TBC1D32: variants seen among roughly 807,000 people sequenced by gnomAD.
The protein encoded by TBC1D32 is TBC1 domain family member 32.
Under a neutral mutation model 170.3 loss-of-function variants are expected in TBC1D32, and 151 were observed. That is an observed-to-expected ratio of 0.89 (90% CI 0.78 to 1.01). TBC1D32 has a LOEUF of 1.01. Ranked by LOEUF, TBC1D32 falls within the 50% of genes least tolerant of loss-of-function variation. The pLI, the probability that TBC1D32 is intolerant of heterozygous loss-of-function variation, is 0.00. For synonymous variants in TBC1D32, 498 were observed against 488.0 expected (o/e 1.02, Z -0.27); for missense variants, 1,464 against 1,457.1 (o/e 1.00, Z -0.08).
chr6:121,233,608 T>C (rs910626886), intron 20 of TBC1D32, among the ~76,000 whole-genome samples: 2 of 152,166 alleles, frequency 1.3e-5, no homozygotes, highest in African/African-American at 4.8e-5. Context: ...CCTTATGGGT[T>C]AGGTGAGTCT....
intron 2 of TBC1D32, among the ~76,000 whole-genome samples, chr6:121,319,090 T>A (rs969520247): frequency 6.6e-6 from 1 of 150,380 alleles, no homozygotes; most frequent in African/African-American, 2.4e-5. Context: ...TTAATATGTA[T>A]ATCATACAGA....
intron 25 of TBC1D32, chr6:121,129,931 T>A (rs1219901728): frequency 8.9e-6 from 4 of 449,370 alleles, no homozygotes; most frequent in South Asian, 6.3e-5. Flanking sequence ...AGCACTAAAA[T>A]TTAAACAAAG....
At chr6:121,156,020 G>T in intron 24 of TBC1D32, among the ~76,000 whole-genome samples, 1 of 151,740 alleles carries the variant, frequency 6.6e-6, no homozygotes, top group Non-Finnish European at 1.5e-5. Context: ...GGATAATATT[G>T]GCTTTGTAAA....
intron 1 of TBC1D32, among the ~76,000 whole-genome samples, chr6:121,322,360 T>C (rs547491664): frequency 1.3e-5 from 2 of 152,158 alleles, no homozygotes; most frequent in African/African-American, 4.8e-5. Flanking sequence ...TTCCAATTTA[T>C]CCTACCAGAT....
intron 22 of TBC1D32, among the ~76,000 whole-genome samples, chr6:121,184,831 A>G (rs1788966444): frequency 6.6e-6 from 1 of 151,934 alleles, no homozygotes; most frequent in South Asian, 2.1e-4. Flanking sequence ...AGCTCCCACC[A>G]TCGTGGCCAC....
chr6:121,308,635 C>T (rs1807691224), intron 4 of TBC1D32, among the ~76,000 whole-genome samples: 1 of 149,880 alleles, frequency 6.7e-6, no homozygotes, highest in Admixed American at 6.6e-5. Flanking sequence ...GTAAGTCTTT[C>T]AGCAGTGGGA....
At chr6:121,161,986 G>C (rs879004502) in intron 22 of TBC1D32, among the ~76,000 whole-genome samples, 1 of 152,058 alleles carries the variant, frequency 6.6e-6, no homozygotes, top group East Asian at 1.9e-4. Context: ...GTCTTCTTTT[G>C]AGAAGCATCT....
At chr6:121,087,521 T>C (rs958706983) in intron 31 of TBC1D32, among the ~76,000 whole-genome samples, 3 of 152,232 alleles carry the variant, frequency 2.0e-5, no homozygotes, top group Non-Finnish European at 4.4e-5. Flanking sequence ...GCTTTTATCA[T>C]GTCATTTTAT....
At chr6:121,130,025 T>C in intron 25 of TBC1D32, 1 of 376,784 alleles carries the variant, frequency 2.7e-6, no homozygotes, top group South Asian at 2.0e-5. Flanking sequence ...CAAAAACATA[T>C]CCCTTTTTTA....
intron 22 of TBC1D32, among the ~76,000 whole-genome samples, chr6:121,182,943 T>C (rs1788721129): frequency 6.6e-6 from 1 of 151,982 alleles, no homozygotes; most frequent in South Asian, 2.1e-4. Context: ...ATGAAAAAGA[T>C]AAAGTATTAA....
intron 17 of TBC1D32, among the ~76,000 whole-genome samples, chr6:121,254,274 C>T (rs1434320330): frequency 1.3e-5 from 2 of 152,102 alleles, no homozygotes; most frequent in African/African-American, 4.8e-5. Flanking sequence ...TAAAAAATTA[C>T]ATATTGGGTA....
At chr6:121,215,172 G>T (rs1365589663) in intron 21 of TBC1D32, among the ~76,000 whole-genome samples, 2 of 152,188 alleles carry the variant, frequency 1.3e-5, no homozygotes, top group Non-Finnish European at 2.9e-5. Context: ...ATGCTGATTG[G>T]TCCATGGGCA....
intron 2 of TBC1D32, among the ~76,000 whole-genome samples, chr6:121,320,265 T>C (rs1409473086): frequency 6.6e-6 from 1 of 151,442 alleles, no homozygotes; most frequent in African/African-American, 2.4e-5. Context: ...TGTAAAATCT[T>C]TTATCCATGG....
intron 24 of TBC1D32, among the ~76,000 whole-genome samples, chr6:121,135,902 G>A (rs1782003905): frequency 2.0e-5 from 3 of 151,996 alleles, no homozygotes; most frequent in African/African-American, 7.2e-5. Flanking sequence ...CAAAAAAATG[G>A]AAGCCCTGAC....
At chr6:121,304,653 A>G in intron 6 of TBC1D32, 28 bp from the exon 7 acceptor site, 1 of 1,564,660 alleles carries the variant, frequency 6.4e-7, no homozygotes, top group Non-Finnish European at 8.7e-7. Flanking sequence ...ACATAAAATT[A>G]CATCATTCAT....
At position 121,312,031 on chromosome 6, in the gene TBC1D32, AG is replaced by A. The variant is rs550095004; in HGVS notation, c.496-1185del. Reference sequence around the variant, plus strand: ...ATGGAATACTACGCAGCCATAAAAAAGGATGAGTTAATGTCCTTTGCAGGGA... The same window carrying A: ...ATGGAATACTACGCAGCCATAAAAAAGATGAGTTAATGTCCTTTGCAGGGA... On this transcript the variant is annotated intron_variant, in intron 3 of 31. Coordinates refer to ENST00000398212, the MANE Select transcript of TBC1D32 (RefSeq NM_152730.6). Among the ~76,000 whole-genome samples the A allele has an allele frequency of 1.4e-4, 21 of 152,342 alleles. No individual in the cohort carries two copies. The East Asian group carries it at 3.5e-3, about 25-fold the overall frequency.
At chr6:121,312,562 C>G (rs1299686508) in intron 3 of TBC1D32, among the ~76,000 whole-genome samples, 3 of 152,100 alleles carry the variant, frequency 2.0e-5, no homozygotes, top group Non-Finnish European at 4.4e-5. Context: ...TTGAGACTAA[C>G]AAGGCACATT....
At chr6:121,154,187 A>T (rs1040013777) in intron 24 of TBC1D32, among the ~76,000 whole-genome samples, 4 of 152,142 alleles carry the variant, frequency 2.6e-5, no homozygotes, top group African/African-American at 9.7e-5. Context: ...TAGTACCTGG[A>T]CTGGATAGCA....
At chr6:121,150,720 G>C (rs1381787504) in intron 24 of TBC1D32, among the ~76,000 whole-genome samples, 1 of 152,060 alleles carries the variant, frequency 6.6e-6, no homozygotes, top group Non-Finnish European at 1.5e-5. Flanking sequence ...CTTCTTCCTG[G>C]TTTAGTCTTG....
Sources: allele counts gnomAD v4.1 joint callset (sites outside exome capture counted in the v4.1 genomes callset), GRCh38; gene constraint gnomAD v4.1.1; transcripts MANE v1.5; gene names NCBI Gene and HGNC (gene_info 2026-07-23, HGNC 2026-07-21).